Variants in CHRDL2 observed in about 807,000 individuals in gnomAD.
The protein encoded by CHRDL2 is chordin-like protein 2.
In CHRDL2, 41 loss-of-function variants were observed where a neutral mutation model predicts 54.3. The ratio of observed to expected loss-of-function variants is 0.76; its 90% CI spans 0.59 to 0.98. The LOEUF (loss-of-function observed/expected upper bound fraction) is 0.98. Ranked by LOEUF, CHRDL2 falls within the 50% of genes least tolerant of loss-of-function variation. The probability of loss-of-function intolerance (pLI) is 0.00; values close to 1 mark genes in which losing one functional copy is unlikely to be tolerated. For synonymous variants in CHRDL2, 220 were observed against 224.3 expected, an observed-to-expected ratio of 0.98 and a Z score of 0.17; for missense variants, 518 against 562.4, an observed-to-expected ratio of 0.92 and a Z score of 0.80.
intron 4 of CHRDL2, among the ~76,000 whole-genome samples, chr11:74,708,662 G>A (rs2034091480): frequency 6.6e-6 from 1 of 152,196 alleles, no homozygotes; most frequent in South Asian, 2.1e-4. Context: ...GCTGCTGCCT[G>A]GTAAGGCGGG....
At chr11:74,728,072 T>C (rs1283189261) in intron 1 of CHRDL2, among the ~76,000 whole-genome samples, 1 of 152,178 alleles carries the variant, frequency 6.6e-6, no homozygotes, top group Non-Finnish European at 1.5e-5. Flanking sequence ...AGGGCTTGGC[T>C]TGTGGCTGGA....
At chr11:74,697,824 G>A in intron 9 of CHRDL2, 1 of 304,150 alleles carries the variant, frequency 3.3e-6, no homozygotes, top group Non-Finnish European at 6.5e-6. Context: ...AAGGGAGGAA[G>A]GAAGGTTGGC....
intron 2 of CHRDL2, among the ~76,000 whole-genome samples, chr11:74,717,136 G>T (rs57602460): frequency 1.3e-5 from 2 of 151,908 alleles, no homozygotes; most frequent in Admixed American, 6.6e-5. Context: ...TCTCACTGCC[G>T]CGTGGAGGAT....
In CHRDL2 at chr11:74,710,282, C is replaced by T. The variant is rs371501772; in HGVS notation, c.432+567G>A. ...AACCTATAGGAAGGCCATGCCTACA[C>T]CCCAGTTCCCTTACAAGGAGGAGGC... On this transcript the variant is annotated intron_variant, in intron 4 of 10. Transcript: ENST00000376332. Among the ~76,000 whole-genome samples the T allele has an allele frequency of 3.3e-5, 5 of 152,132 alleles. No homozygotes were observed. The South Asian group carries it at 1.0e-3, about 32-fold the overall frequency.
chr11:74,717,023 A>G (rs1804232847), intron 2 of CHRDL2, among the ~76,000 whole-genome samples: 2 of 152,132 alleles, frequency 1.3e-5, no homozygotes, highest in South Asian at 4.2e-4. Context: ...GAGCCTGGGA[A>G]GTCAAGGCTG....
chr11:74,717,116 A>T (rs961041277), intron 2 of CHRDL2, among the ~76,000 whole-genome samples: 2 of 151,340 alleles, frequency 1.3e-5, no homozygotes, highest in African/African-American at 4.9e-5. Context: ...AAACAAAAAA[A>T]AAAAACCATT....
intron 1 of CHRDL2, among the ~76,000 whole-genome samples, chr11:74,721,153 T>C (rs1591369329): frequency 7.0e-6 from 1 of 143,134 alleles, no homozygotes; most frequent in African/African-American, 2.4e-5. Context: ...GCAGAGAGGG[T>C]GGGACACGGG....
At chr11:74,727,377 A>G (rs1299251032) in intron 1 of CHRDL2, among the ~76,000 whole-genome samples, 3 of 152,150 alleles carry the variant, frequency 2.0e-5, no homozygotes, top group African/African-American at 7.2e-5. Context: ...GATTCCCATA[A>G]TAAACAAAAC....
chr11:74,707,353 T>C (rs991747899), intron 5 of CHRDL2, among the ~76,000 whole-genome samples: 3 of 152,212 alleles, frequency 2.0e-5, no homozygotes, highest in African/African-American at 7.2e-5. Flanking sequence ...ATGCATCCAC[T>C]GTGGAGCACT....
chr11:74,730,921 G>A lies in CHRDL2; in HGVS notation c.-33C>T. On this transcript the variant is annotated 5_prime_UTR_variant, in exon 1 of 11. Transcript: ENST00000376332. The stretch of plus-strand genomic sequence containing the variant: ...CCAGGGTCAGGCCGCTGGTCCGGGA[G>A]CGGAGTCGGGAGGAAGGGAGACGAA... The A allele has an allele frequency of 6.4e-7, 1 of 1,571,256 alleles. No homozygotes were observed. Among genetic ancestry groups the A allele is most frequent in the Non-Finnish European group, 8.7e-7 (1 of 1,154,392 alleles).
intron 8 of CHRDL2, 129 bp downstream of exon 8, chr11:74,703,176 C>T: frequency 1.7e-6 from 2 of 1,170,388 alleles, no homozygotes; most frequent in South Asian, 3.1e-5. Flanking sequence ...GTCTGACATG[C>T]CCTGCATCCT....
chr11:74,703,425 G>GC lies in CHRDL2; in HGVS notation c.825dup (p.Pro276AlafsTer8). ...TCCTCACAGGTGCATAGGATGCAGG[G>GC]CAAGGGGCCGAAGGCACGGAAGGCC... On this transcript the variant is annotated frameshift_variant, in exon 8 of 11. Coordinates refer to ENST00000376332, the MANE Select transcript of CHRDL2 (RefSeq NM_001278473.3). LOFTEE classifies it high-confidence loss of function. 1 of 1,613,514 alleles carries GC rather than the reference G, an allele frequency of 6.2e-7. No homozygotes were observed. Among genetic ancestry groups the GC allele is most frequent in the South Asian group, 1.1e-5 (1 of 91,044 alleles).
At chr11:74,706,401 G>A in intron 6 of CHRDL2, 86 bp downstream of exon 6, 1 of 1,290,122 alleles carries the variant, frequency 7.8e-7, no homozygotes, top group Non-Finnish European at 1.1e-6. Context: ...GACAATAACT[G>A]GTATTGCCTG....
At chr11:74,697,608 T>G in intron 9 of CHRDL2, 3 of 485,150 alleles carry the variant, frequency 6.2e-6, no homozygotes, top group Non-Finnish European at 8.0e-6. Flanking sequence ...CACCCTGTCA[T>G]TCCCCTTCCC....
chr11:74,707,230 A>G (rs533723190), intron 5 of CHRDL2, among the ~76,000 whole-genome samples: 2 of 152,362 alleles, frequency 1.3e-5, no homozygotes, highest in Admixed American at 6.5e-5. Context: ...ACAGGGCACA[A>G]CTGAGGCCCA....
chr11:74,700,391 C>G (rs2033760703), intron 9 of CHRDL2, among the ~76,000 whole-genome samples: 1 of 152,068 alleles, frequency 6.6e-6, no homozygotes, highest in Admixed American at 6.6e-5. Flanking sequence ...TTTAGTGACA[C>G]TATCTGTTCA....
chr11:74,705,143 A>T (rs1372932789), intron 6 of CHRDL2, among the ~76,000 whole-genome samples: 1 of 152,146 alleles, frequency 6.6e-6, no homozygotes, highest in Non-Finnish European at 1.5e-5. Context: ...GAAGACCAAG[A>T]GCAGGCCCCA....
intron 6 of CHRDL2, 191 bp from the exon 7 acceptor site, chr11:74,704,845 T>G (rs1238140338): frequency 3.2e-6 from 2 of 619,510 alleles, no homozygotes; most frequent in Non-Finnish European, 5.6e-6. Context: ...AGTTCGATCT[T>G]TGAAAACTCT....
intron 9 of CHRDL2, among the ~76,000 whole-genome samples, chr11:74,700,761 T>C (rs540076345): frequency 1.6e-3 from 245 of 151,630 alleles, no homozygotes; most frequent in African/African-American, 5.6e-3. Context: ...GCCTCCTGAG[T>C]AGCTGGGATT....
Sources: gnomAD v4.1 joint callset for allele counts (sites outside exome capture counted in the v4.1 genomes callset) on GRCh38, gnomAD v4.1.1 for gene constraint, MANE v1.5 for transcripts, NCBI Gene and HGNC (gene_info 2026-07-23, HGNC 2026-07-21) for gene names.